GABRG3: variants seen among roughly 807,000 people sequenced by gnomAD.
The protein encoded by GABRG3 is gamma-aminobutyric acid receptor subunit gamma-3.
Under a neutral mutation model 48.8 loss-of-function variants are expected in GABRG3, and 25 were observed. The ratio of observed to expected loss-of-function variants is 0.51; its 90% CI spans 0.37 to 0.72. The LOEUF is 0.72. GABRG3 is among the 30% of genes least tolerant of loss of function. The probability of loss-of-function intolerance (pLI) is 0.00; values close to 1 mark genes in which losing one functional copy is unlikely to be tolerated. For missense variants in GABRG3, 394 were observed against 577.9 expected, an observed-to-expected ratio of 0.68 and a Z score of 3.26; for synonymous variants, 227 against 217.6, an observed-to-expected ratio of 1.04 and a Z score of -0.38.
At chr15:27,316,409 A>AG in intron 3 of GABRG3, among the ~76,000 whole-genome samples, 1 of 150,928 alleles carries the variant, frequency 6.6e-6, no homozygotes, top group East Asian at 1.9e-4. Context: ...AAAAAAAAAA[A>AG]GCAAAAATGG....
At chr15:27,017,646 C>G (rs931986686) in intron 2 of GABRG3, among the ~76,000 whole-genome samples, 1 of 152,188 alleles carries the variant, frequency 6.6e-6, no homozygotes, top group Admixed American at 6.5e-5. Context: ...TGAACACACC[C>G]TGTGGTACTT....
intron 5 of GABRG3, among the ~76,000 whole-genome samples, chr15:27,427,116 T>C (rs1291433830): frequency 6.6e-6 from 1 of 152,236 alleles, no homozygotes; most frequent in African/African-American, 2.4e-5. Context: ...TGTTCCTTTA[T>C]ATAGGATTTA....
chr15:27,230,357 C>T (rs1459210437), intron 3 of GABRG3, among the ~76,000 whole-genome samples: 3 of 152,160 alleles, frequency 2.0e-5, no homozygotes. Context: ...CATATTTTGA[C>T]TATTTTCTAC....
intron 3 of GABRG3, among the ~76,000 whole-genome samples, chr15:27,205,736 T>C (rs1888831472): frequency 6.6e-6 from 1 of 151,834 alleles, no homozygotes. Context: ...TTATTACTGA[T>C]TCAATTTTGG....
chr15:27,048,306 A>G (rs540837136), intron 3 of GABRG3, among the ~76,000 whole-genome samples: 17 of 145,072 alleles, frequency 1.2e-4, no homozygotes, highest in Admixed American at 2.1e-4. Context: ...CCTCTGATCC[A>G]GAACGTCCAG....
intron 2 of GABRG3, among the ~76,000 whole-genome samples, chr15:27,004,346 A>G (rs12900590): frequency 0.97 from 145,627 of 150,694 alleles, 70,393 homozygotes; most frequent in East Asian, 1. Context: ...CATCTCAGAC[A>G]ATGGGCGGCC....
At position 27,179,915 on chromosome 15, in the gene GABRG3, T is replaced by C. The variant is rs1391672751; in HGVS notation, c.271-146894T>C. Among the ~76,000 whole-genome samples the C allele has an allele frequency of 6.6e-6, 1 of 152,220 alleles. No individual in the cohort carries two copies. The highest frequency in any genetic ancestry group is 1.9e-4 in the East Asian group (1 of 5,188). ...TGTGCCCTGTTACCAGATTGTTCTC[T>C]TGATTCACAGTTCATCGCCTCCTAG... On this transcript the variant is annotated intron_variant, in intron 3 of 9. Transcript: ENST00000615808. The surrounding 1 kb of genome is among the most constrained non-coding windows in gnomAD (Gnocchi z 4.0).
intron 5 of GABRG3, among the ~76,000 whole-genome samples, chr15:27,437,119 C>A (rs1269366275): frequency 6.6e-6 from 1 of 151,744 alleles, no homozygotes; most frequent in African/African-American, 2.4e-5. Flanking sequence ...TTGGTTATCA[C>A]CAAGCATCTT....
At chr15:27,485,695 G>A (rs1890204529) in intron 6 of GABRG3, among the ~76,000 whole-genome samples, 2 of 152,120 alleles carry the variant, frequency 1.3e-5, no homozygotes, top group African/African-American at 4.8e-5. Flanking sequence ...AAAGTGCACT[G>A]TTGCCAAATG....
chr15:27,273,549 T>G (rs573277402), intron 3 of GABRG3, among the ~76,000 whole-genome samples: 1 of 152,294 alleles, frequency 6.6e-6, no homozygotes, highest in African/African-American at 2.4e-5. Flanking sequence ...AGCTGATGGC[T>G]CAAGGCGCAG....
chr15:27,103,602 C>T (rs185650859), intron 3 of GABRG3, among the ~76,000 whole-genome samples: 1 of 152,278 alleles, frequency 6.6e-6, no homozygotes, highest in African/African-American at 2.4e-5. Flanking sequence ...TCCCCTTTCC[C>T]TTTAAGTGTT....
intron 3 of GABRG3, among the ~76,000 whole-genome samples, chr15:27,270,819 A>G (rs866184465): frequency 5.9e-5 from 9 of 152,312 alleles, no homozygotes; most frequent in Middle Eastern, 6.8e-3. Context: ...CGTGCACTGA[A>G]AGATCACCCT....
At chr15:27,518,751 G>C (rs1180894280) in intron 6 of GABRG3, among the ~76,000 whole-genome samples, 5 of 152,190 alleles carry the variant, frequency 3.3e-5, no homozygotes, top group Admixed American at 3.3e-4. Context: ...ACAGGGCAAG[G>C]AGTGTTTAAT....
At chr15:27,241,416 C>T (rs1312824930) in intron 3 of GABRG3, among the ~76,000 whole-genome samples, 1 of 152,224 alleles carries the variant, frequency 6.6e-6, no homozygotes, top group Non-Finnish European at 1.5e-5. Flanking sequence ...AAAGGACTTA[C>T]AGCAGCAATG....
Position 27,179,750 on chromosome 15 carries a change from A to T in GABRG3, c.271-147059A>T, listed in dbSNP as rs1359717496. Among the ~76,000 whole-genome samples, 2 of 152,112 alleles carry T rather than the reference A, an allele frequency of 1.3e-5. No individual in the cohort carries two copies. Among genetic ancestry groups the T allele is most frequent in the East Asian group, 3.9e-4 (2 of 5,178 alleles). ...TGTCTTTTCATGGTGTGAATTTTGA[A>T]TGCTGTGGGAAAGATGGAAGCCAAA... On this transcript the variant is annotated intron_variant, in intron 3 of 9. Transcript: ENST00000615808. The surrounding 1 kb of genome is among the most constrained non-coding windows in gnomAD (Gnocchi z 4.0).
At chr15:27,000,662 G>T (rs1164183870) in intron 2 of GABRG3, among the ~76,000 whole-genome samples, 2 of 152,146 alleles carry the variant, frequency 1.3e-5, no homozygotes. Context: ...CTCCTGCTCT[G>T]GCCATGTGAC....
At chr15:27,221,323 G>A (rs182602795) in intron 3 of GABRG3, among the ~76,000 whole-genome samples, 51 of 152,004 alleles carry the variant, frequency 3.4e-4, no homozygotes, top group African/African-American at 1.2e-3. Flanking sequence ...AGAGTGAGAA[G>A]ACCAGCCAGT....
chr15:27,245,837 G>A (rs1340085301), intron 3 of GABRG3, among the ~76,000 whole-genome samples: 1 of 152,194 alleles, frequency 6.6e-6, no homozygotes. Flanking sequence ...CTGGGTGACA[G>A]TGCGAGACTC....
intron 3 of GABRG3, among the ~76,000 whole-genome samples, chr15:27,322,139 G>GT (rs1764238401): frequency 6.6e-6 from 1 of 152,214 alleles, no homozygotes; most frequent in African/African-American, 2.4e-5. Flanking sequence ...CCATTACAAA[G>GT]TAAGTTTATG....
Sources: allele counts gnomAD v4.1 joint callset (sites outside exome capture counted in the v4.1 genomes callset), GRCh38; gene constraint gnomAD v4.1.1; non-coding constraint Gnocchi (gnomAD v3.1); transcripts MANE v1.5; gene names NCBI Gene and HGNC (gene_info 2026-07-23, HGNC 2026-07-21).